CNBD1: variants seen among roughly 807,000 people sequenced by gnomAD.
CNBD1 encodes cyclic nucleotide-binding domain-containing protein 1.
CNBD1 carries 71 observed loss-of-function variants against 54.4 expected under a neutral mutation model. The observed-to-expected ratio is 1.30, with a 90% CI of 1.08 to 1.59. The LOEUF is 1.59. Among genes scored for constraint, CNBD1 ranks in the 40% most tolerant of loss-of-function variants. The probability of loss-of-function intolerance (pLI) is 0.00; values close to 1 mark genes in which losing one functional copy is unlikely to be tolerated. For missense variants in CNBD1, 659 were observed against 518.0 expected, an observed-to-expected ratio of 1.27 and a Z score of -2.64; for synonymous variants, 182 against 170.7, an observed-to-expected ratio of 1.07 and a Z score of -0.51.
intron 10 of CNBD1, among the ~76,000 whole-genome samples, chr8:87,369,824 C>T (rs975915154): frequency 1.3e-5 from 2 of 151,956 alleles, no homozygotes; most frequent in African/African-American, 4.8e-5. Context: ...GTGCTGCACC[C>T]ATTAACTAGT....
chr8:87,004,245 A>G (rs1809050115), intron 4 of CNBD1, among the ~76,000 whole-genome samples: 1 of 152,152 alleles, frequency 6.6e-6, no homozygotes, highest in South Asian at 2.1e-4. Context: ...GGAAGCTTTC[A>G]TTCATGGGAG....
intron 2 of CNBD1, among the ~76,000 whole-genome samples, chr8:87,402,918 G>A (rs1396082615): frequency 2.0e-5 from 3 of 151,992 alleles, no homozygotes; most frequent in Non-Finnish European, 4.4e-5. Flanking sequence ...TGCTGTACAA[G>A]CACACAAGCA....
chr8:87,225,727 T>G (rs897500105), intron 5 of CNBD1, among the ~76,000 whole-genome samples: 1 of 151,914 alleles, frequency 6.6e-6, no homozygotes, highest in Non-Finnish European at 1.5e-5. Flanking sequence ...TCTGCTCGGC[T>G]TTGGTATCAG....
intron 4 of CNBD1, among the ~76,000 whole-genome samples, chr8:87,179,418 T>C (rs535677321): frequency 1.3e-5 from 2 of 152,324 alleles, no homozygotes; most frequent in African/African-American, 4.8e-5. Context: ...GGCTGTCTAA[T>C]TTTTGCTCTC....
chr8:87,029,596 T>TGGTAATGCCAGAAACCA (rs1326974389), intron 4 of CNBD1, among the ~76,000 whole-genome samples: 1 of 152,104 alleles, frequency 6.6e-6, no homozygotes, highest in Non-Finnish European at 1.5e-5. Flanking sequence ...TTTAGAAATC[T>TGGTAATGCCAGAAACCA]GGTAATGCCA....
At chr8:87,275,267 G>T (rs1268739552) in intron 6 of CNBD1, among the ~76,000 whole-genome samples, 2 of 136,962 alleles carry the variant, frequency 1.5e-5, no homozygotes, top group Non-Finnish European at 3.2e-5. Context: ...GCTCTTTTTT[G>T]GTTCCATATG....
intron 4 of CNBD1, among the ~76,000 whole-genome samples, chr8:87,152,434 T>G (rs1812623670): frequency 7.7e-6 from 1 of 129,954 alleles, no homozygotes. Context: ...TGATAGCTGA[T>G]GAGCTAAAAA....
intron 4 of CNBD1, among the ~76,000 whole-genome samples, chr8:87,053,390 C>G (rs1160683706): frequency 6.6e-6 from 1 of 152,216 alleles, no homozygotes; most frequent in Admixed American, 6.5e-5. Context: ...ATGATAAAAG[C>G]AATCCCAGTG....
At position 87,401,674 on chromosome 8, in the gene CNBD1, C is replaced by A. The variant is rs907288684; in HGVS notation, c.214-26872C>A. Among the ~76,000 whole-genome samples, 5 of 152,128 alleles carry A rather than the reference C, an allele frequency of 3.3e-5. 1 individual carries two copies. The South Asian group carries it at 1.0e-3, about 31-fold the overall frequency. On this transcript the variant is annotated intron_variant, in intron 2 of 7. Transcript: ENST00000521593. ...AAATGTCAAAACAATATCTACCTAACCTTTAAGCTACTTGCAAATCTCAAT... is the reference window on the plus strand; with the variant it reads ...AAATGTCAAAACAATATCTACCTAAACTTTAAGCTACTTGCAAATCTCAAT...
At chr8:87,356,615 T>C (rs989971877) in intron 10 of CNBD1, among the ~76,000 whole-genome samples, 13 of 152,176 alleles carry the variant, frequency 8.5e-5, no homozygotes, top group Admixed American at 5.9e-4. Flanking sequence ...TATATGAGCA[T>C]AAAAGATGAC....
chr8:87,125,711 A>T (rs1390477747), intron 4 of CNBD1, among the ~76,000 whole-genome samples: 2 of 151,850 alleles, frequency 1.3e-5, no homozygotes, highest in African/African-American at 4.8e-5. Context: ...GTTCATATTA[A>T]AAGTATATAG....
intron 2 of CNBD1, among the ~76,000 whole-genome samples, chr8:87,417,897 TA>T (rs1807862534): frequency 9.3e-6 from 1 of 107,192 alleles, no homozygotes; most frequent in Admixed American, 8.5e-5. Flanking sequence ...ATTATTGAAA[TA>T]AATTAGAGAA....
intron 4 of CNBD1, among the ~76,000 whole-genome samples, chr8:86,969,805 C>T (rs962592886): frequency 1.3e-5 from 2 of 151,062 alleles, no homozygotes; most frequent in South Asian, 2.1e-4. Context: ...CACACACACA[C>T]ACACACACAC....
intron 1 of CNBD1, among the ~76,000 whole-genome samples, chr8:86,880,154 T>C (rs1808583916): frequency 6.6e-6 from 1 of 152,068 alleles, no homozygotes; most frequent in African/African-American, 2.4e-5. Flanking sequence ...AAATAAGATA[T>C]TGAGCTGTGG....
intron 4 of CNBD1, among the ~76,000 whole-genome samples, chr8:87,136,236 C>T (rs576237756): frequency 1.8e-4 from 28 of 151,856 alleles, no homozygotes; most frequent in Non-Finnish European, 3.4e-4. Flanking sequence ...CTGTCTAGGC[C>T]AGTACTTATT....
At chr8:87,224,324 A>G (rs867197599) in intron 5 of CNBD1, among the ~76,000 whole-genome samples, 1,826 of 150,562 alleles carry the variant, frequency 0.012, 52 homozygotes, top group African/African-American at 0.043. Flanking sequence ...GCCCATGCCT[A>G]TGTCCTGAAT....
At chr8:87,326,864 G>T (rs1809680064) in intron 8 of CNBD1, among the ~76,000 whole-genome samples, 1 of 96,078 alleles carries the variant, frequency 1.0e-5, no homozygotes, top group Non-Finnish European at 2.2e-5. Context: ...CGTTCCTTTG[G>T]AGGAGGAGAG....
At chr8:87,320,306 A>G (rs1368901371) in intron 8 of CNBD1, among the ~76,000 whole-genome samples, 1 of 152,114 alleles carries the variant, frequency 6.6e-6, no homozygotes, top group African/African-American at 2.4e-5. Flanking sequence ...AATTACATTA[A>G]GTGATTTACT....
chr8:87,132,818 TAC>T (rs984649835), intron 4 of CNBD1, among the ~76,000 whole-genome samples: 1 of 148,364 alleles, frequency 6.7e-6, no homozygotes, highest in African/African-American at 2.5e-5. Context: ...CATATATATA[TAC>T]ACACACATAT....
Sources: allele counts gnomAD v4.1 joint callset (sites outside exome capture counted in the v4.1 genomes callset), GRCh38; gene constraint gnomAD v4.1.1; transcripts MANE v1.5; gene names NCBI Gene and HGNC (gene_info 2026-07-23, HGNC 2026-07-21).